MACROD2: variants seen among roughly 807,000 people sequenced by gnomAD.
MACROD2 encodes the protein mono-ADP ribosylhydrolase 2.
MACROD2 carries 36 observed loss-of-function variants against 70.4 expected under a neutral mutation model. The ratio of observed to expected loss-of-function variants is 0.51; its 90% CI spans 0.39 to 0.68. MACROD2 has a LOEUF of 0.68. Among genes scored for constraint, MACROD2 ranks in the 30% least tolerant of loss-of-function variants. MACROD2 has a pLI of 0.00. For synonymous variants in MACROD2, 172 were observed against 178.8 expected (o/e 0.96, Z 0.30); for missense variants, 496 against 538.4 (o/e 0.92, Z 0.78).
intron 10 of MACROD2, among the ~76,000 whole-genome samples, chr20:15,898,549 T>TAAAA (rs10678216): frequency 4.8e-4 from 45 of 94,332 alleles, no homozygotes; most frequent in Non-Finnish European, 6.4e-4. Flanking sequence ...AGACTCAGTC[T>TAAAA]AAAAAAAAAA....
chr20:15,543,600 T>TA (rs11087138), intron 8 of MACROD2, among the ~76,000 whole-genome samples: 17,820 of 146,770 alleles, frequency 0.12, 1,131 homozygotes, highest in Middle Eastern at 0.19. Flanking sequence ...AACCTCCTCT[T>TA]AAAAAAAAAA....
intron 2 of MACROD2, among the ~76,000 whole-genome samples, chr20:14,083,807 G>T (rs534636536): frequency 6.6e-6 from 1 of 151,936 alleles, no homozygotes; most frequent in East Asian, 1.9e-4. Context: ...AGGCCCAGGC[G>T]CGGTGGCTCA....
At chr20:15,587,184 G>A (rs1243427083) in intron 8 of MACROD2, among the ~76,000 whole-genome samples, 1 of 152,146 alleles carries the variant, frequency 6.6e-6, no homozygotes. Context: ...CAAGGTGGCG[G>A]CAAGAGAAAA....
chr20:14,355,662 A>G (rs1419904617), intron 3 of MACROD2, among the ~76,000 whole-genome samples: 1 of 152,208 alleles, frequency 6.6e-6, no homozygotes, highest in Non-Finnish European at 1.5e-5. Context: ...TGATATTAAG[A>G]GCAAATTTGA....
At chr20:15,004,788 CTTAT>C (rs1311313117) in intron 5 of MACROD2, among the ~76,000 whole-genome samples, 2 of 152,166 alleles carry the variant, frequency 1.3e-5, no homozygotes, top group Non-Finnish European at 2.9e-5. Context: ...TTAAATGCAA[CTTAT>C]TTGTCAATTT....
intron 10 of MACROD2, 25 bp from the exon 11 acceptor site, chr20:15,933,251 T>G: frequency 6.2e-7 from 1 of 1,611,188 alleles, no homozygotes; most frequent in Non-Finnish European, 8.5e-7. Flanking sequence ...GATGCATTTT[T>G]TTTCCTCTGT....
At chr20:15,400,222 C>G (rs2045911612) in intron 6 of MACROD2, among the ~76,000 whole-genome samples, 1 of 152,142 alleles carries the variant, frequency 6.6e-6, no homozygotes, top group Non-Finnish European at 1.5e-5. Context: ...AGTCGGTGAG[C>G]TTTCTCAGGC....
intron 4 of MACROD2, among the ~76,000 whole-genome samples, chr20:14,600,343 T>TATATATATATATATACACACAC (rs1320891260): frequency 7.7e-6 from 1 of 130,200 alleles, no homozygotes; most frequent in African/African-American, 3.1e-5. Flanking sequence ...TATATATATA[T>TATATATATATATATACACACAC]ACACACACAC....
chr20:14,418,022 G>A (rs578192538), intron 3 of MACROD2, among the ~76,000 whole-genome samples: 5 of 152,110 alleles, frequency 3.3e-5, no homozygotes, highest in South Asian at 2.1e-4. Flanking sequence ...TTCTGTCAGC[G>A]AAAACTTGAG....
intron 12 of MACROD2, among the ~76,000 whole-genome samples, chr20:15,950,990 G>A (rs577847705): frequency 6.6e-6 from 1 of 152,066 alleles, no homozygotes; most frequent in Admixed American, 6.6e-5. Flanking sequence ...ACACAGTTTG[G>A]GAAACCATTC....
At chr20:15,019,301 T>C (rs2075146462) in intron 5 of MACROD2, among the ~76,000 whole-genome samples, 1 of 152,224 alleles carries the variant, frequency 6.6e-6, no homozygotes, top group African/African-American at 2.4e-5. Flanking sequence ...CATGTAGTCA[T>C]TGAAATAACC....
chr20:14,048,859 T>G (rs866099828), intron 2 of MACROD2, among the ~76,000 whole-genome samples: 2 of 152,290 alleles, frequency 1.3e-5, no homozygotes, highest in Middle Eastern at 3.4e-3. Context: ...AAAATATTCC[T>G]GATATAATGA....
intron 5 of MACROD2, among the ~76,000 whole-genome samples, chr20:15,094,340 G>A (rs894769398): frequency 2.6e-5 from 4 of 152,100 alleles, no homozygotes; most frequent in African/African-American, 9.7e-5. Context: ...TAAACCAGCT[G>A]TATTTATGAA....
chr20:16,006,480 A>C (rs1304651184), intron 15 of MACROD2, among the ~76,000 whole-genome samples: 1 of 152,038 alleles, frequency 6.6e-6, no homozygotes, highest in Non-Finnish European at 1.5e-5. Context: ...GTGATGGTGA[A>C]CCCCCTTGAT....
intron 4 of MACROD2, among the ~76,000 whole-genome samples, chr20:14,514,735 T>C (rs1344018859): frequency 6.6e-6 from 1 of 152,052 alleles, no homozygotes; most frequent in African/African-American, 2.4e-5. Flanking sequence ...GCCAATACCT[T>C]GTGAATGAGA....
intron 5 of MACROD2, among the ~76,000 whole-genome samples, chr20:14,788,580 C>CAA (rs11477973): frequency 0.045 from 3,315 of 73,230 alleles, 71 homozygotes; most frequent in Non-Finnish European, 0.062. Flanking sequence ...GATCACATCT[C>CAA]AAAAAAAAAA....
chr20:14,663,806 T>A (rs2070705682), intron 4 of MACROD2, among the ~76,000 whole-genome samples: 2 of 152,096 alleles, frequency 1.3e-5, no homozygotes, highest in Non-Finnish European at 2.9e-5. Context: ...GGCATTTAGC[T>A]TTACAGTTAA....
intron 3 of MACROD2, among the ~76,000 whole-genome samples, chr20:14,357,558 A>G (rs1019495262): frequency 6.6e-6 from 1 of 152,194 alleles, no homozygotes; most frequent in Non-Finnish European, 1.5e-5. Flanking sequence ...AATGAAAGAA[A>G]AGAAAGAAAA....
At chr20:14,678,513 T>C (rs777979453) in intron 4 of MACROD2, among the ~76,000 whole-genome samples, 1 of 152,174 alleles carries the variant, frequency 6.6e-6, no homozygotes, top group Non-Finnish European at 1.5e-5. Context: ...ACAGTCCTAT[T>C]GCTCTCTAGA....
Sources: gnomAD v4.1 joint callset for allele counts (sites outside exome capture counted in the v4.1 genomes callset) on GRCh38, gnomAD v4.1.1 for gene constraint, MANE v1.5 for transcripts, NCBI Gene and HGNC (gene_info 2026-07-23, HGNC 2026-07-21) for gene names.